Variants in GRM8 observed in about 807,000 individuals in gnomAD.
GRM8 encodes metabotropic glutamate receptor 8.
A neutral mutation model predicts 87.2 loss-of-function variants in GRM8; 47 were observed. That is an observed-to-expected ratio of 0.54 (90% CI 0.43 to 0.69). The LOEUF is 0.69. GRM8 is among the 30% of genes least tolerant of loss of function. The pLI, the probability that GRM8 is intolerant of heterozygous loss-of-function variation, is 0.00. For synonymous variants in GRM8, 396 were observed against 404.5 expected (o/e 0.98, Z 0.25); for missense variants, 1,019 against 1,139.2 (o/e 0.89, Z 1.52).
At chr7:126,948,301 A>G (rs1228910502) in intron 3 of GRM8, among the ~76,000 whole-genome samples, 4 of 151,772 alleles carry the variant, frequency 2.6e-5, no homozygotes. Flanking sequence ...GCATTTTGAA[A>G]AATAAGGAGT....
intron 6 of GRM8, among the ~76,000 whole-genome samples, chr7:126,856,124 T>A (rs1346203396): frequency 6.6e-6 from 1 of 152,168 alleles, no homozygotes; most frequent in East Asian, 1.9e-4. Flanking sequence ...ATTCTGTCTT[T>A]TTTTTTTATT....
intron 6 of GRM8, among the ~76,000 whole-genome samples, chr7:126,891,695 C>A (rs13311616): frequency 8.3e-4 from 127 of 152,156 alleles, no homozygotes; most frequent in Non-Finnish European, 1.6e-3. Context: ...ATCTTCTCCC[C>A]TAGGCTACAT....
chr7:126,533,865 T>C lies in GRM8; in HGVS notation c.1517A>G (p.His506Arg), dbSNP rs764726782. 15 of 1,612,986 alleles carry C rather than the reference T, an allele frequency of 9.3e-6. No individual in the cohort carries two copies. Among genetic ancestry groups the C allele is most frequent in the Middle Eastern group, 1.6e-4 (1 of 6,080 alleles). The change falls in exon 9 of 11, where the codon CAT becomes CGT. Residue 506 changes from histidine to arginine, a missense_variant. Coordinates refer to ENST00000339582, the MANE Select transcript of GRM8 (RefSeq NM_000845.3). ...AGACGCCGGGTGAGTATGTTCTCTA[T>C]GAGCCCACTGCATGTCTTCCACCTG... ...HLKVEDMQWA[H>R]REHTHPASVC...
chr7:126,498,718 C>T (rs111877761), intron 9 of GRM8, among the ~76,000 whole-genome samples: 13 of 152,058 alleles, frequency 8.5e-5, no homozygotes, highest in African/African-American at 3.1e-4. Context: ...CTGCCCTGTG[C>T]TTTACCAATA....
chr7:127,209,449 G>T (rs1342797282), intron 2 of GRM8, among the ~76,000 whole-genome samples: 1 of 152,194 alleles, frequency 6.6e-6, no homozygotes, highest in Non-Finnish European at 1.5e-5. Context: ...TGAGAATCCA[G>T]CAGCCCCTAC....
At chr7:126,989,699 T>C (rs1002508642) in intron 3 of GRM8, among the ~76,000 whole-genome samples, 1 of 152,246 alleles carries the variant, frequency 6.6e-6, no homozygotes, top group Non-Finnish European at 1.5e-5. Flanking sequence ...CCCAGCACTT[T>C]GGGAGGCCAA....
chr7:126,915,828 C>A (rs1297831799), intron 3 of GRM8, among the ~76,000 whole-genome samples: 4 of 152,122 alleles, frequency 2.6e-5, no homozygotes, highest in Non-Finnish European at 4.4e-5. Context: ...AAAAGGAATT[C>A]TCTGTAGGGT....
Position 126,622,970 on chromosome 7 carries a change from A to T in GRM8, c.1358-13472T>A, listed in dbSNP as rs376853902. Reference sequence around the variant, plus strand: ...ATCTCCACGTTATTGTTTGATAATTATCTCAGACACAATGCTTGATTCTTA... The same window carrying T: ...ATCTCCACGTTATTGTTTGATAATTTTCTCAGACACAATGCTTGATTCTTA... On this transcript the variant is annotated intron_variant, in intron 7 of 10. Transcript: ENST00000339582. Among the ~76,000 whole-genome samples, 5 of 152,282 alleles carry T rather than the reference A, an allele frequency of 3.3e-5. No homozygotes were observed. The East Asian group carries it at 7.7e-4, about 23-fold the overall frequency.
intron 3 of GRM8, among the ~76,000 whole-genome samples, chr7:126,955,684 G>A (rs929171913): frequency 6.6e-6 from 1 of 152,090 alleles, no homozygotes; most frequent in African/African-American, 2.4e-5. Context: ...CTATCTTCCT[G>A]TTAACAAATC....
intron 8 of GRM8, among the ~76,000 whole-genome samples, chr7:126,584,958 G>T (rs993498636): frequency 1.3e-5 from 2 of 152,034 alleles, no homozygotes; most frequent in Non-Finnish European, 2.9e-5. Flanking sequence ...TAAGCTAAAA[G>T]CACTCATCCT....
chr7:127,165,781 T>C (rs941985214), intron 2 of GRM8, among the ~76,000 whole-genome samples: 2 of 152,204 alleles, frequency 1.3e-5, no homozygotes, highest in African/African-American at 2.4e-5. Context: ...CACTGAATTA[T>C]TCCACCTCTT....
chr7:127,022,558 G>T (rs964679489), intron 3 of GRM8, among the ~76,000 whole-genome samples: 1 of 151,884 alleles, frequency 6.6e-6, no homozygotes, highest in African/African-American at 2.4e-5. Context: ...GGAGAATAAG[G>T]GATTTCGCTT....
chr7:127,053,799 G>GC (rs1554580054), intron 3 of GRM8, among the ~76,000 whole-genome samples: 1 of 18,942 alleles, frequency 5.3e-5, no homozygotes, highest in Non-Finnish European at 1.5e-4. Flanking sequence ...AAAAAAAAAA[G>GC]GGGGGGGGGA....
At chr7:126,580,664 C>T (rs1336431534) in intron 8 of GRM8, among the ~76,000 whole-genome samples, 1 of 152,064 alleles carries the variant, frequency 6.6e-6, no homozygotes, top group Non-Finnish European at 1.5e-5. Context: ...CTTAAATAAG[C>T]AACTTATTGT....
chr7:127,080,315 C>T (rs533542408), intron 3 of GRM8, among the ~76,000 whole-genome samples: 7 of 152,308 alleles, frequency 4.6e-5, no homozygotes, highest in African/African-American at 1.7e-4. Flanking sequence ...AGGAGCACAG[C>T]TCTGCTGAAT....
chr7:127,196,027 G>T (rs141037720), intron 2 of GRM8, among the ~76,000 whole-genome samples: 2 of 152,208 alleles, frequency 1.3e-5, no homozygotes, highest in East Asian at 3.9e-4. Flanking sequence ...CTTAGTGAAG[G>T]ATATATGAAA....
intron 8 of GRM8, among the ~76,000 whole-genome samples, chr7:126,587,500 A>G (rs1448978717): frequency 2.0e-5 from 3 of 152,200 alleles, no homozygotes; most frequent in African/African-American, 7.2e-5. Context: ...TGCAGCCATA[A>G]AAAAGGATGA....
chr7:126,537,209 T>C (rs1400155041), intron 8 of GRM8, among the ~76,000 whole-genome samples: 2 of 152,226 alleles, frequency 1.3e-5, no homozygotes, highest in Non-Finnish European at 2.9e-5. Flanking sequence ...ATGTGTAACA[T>C]TTTTATTATA....
rs527501887 is a variant in GRM8, at chr7:126,704,935, C to T, written c.1357+64930G>A. Among the ~76,000 whole-genome samples, 45 of 152,200 alleles carry T rather than the reference C, an allele frequency of 3.0e-4. 1 individual carries two copies. The South Asian group carries it at 9.1e-3, about 31-fold the overall frequency. On this transcript the variant is annotated intron_variant, in intron 7 of 10. Coordinates refer to ENST00000339582, the MANE Select transcript of GRM8 (RefSeq NM_000845.3). ...TGATAGTCTATTACCTTGTGAAGTA[C>T]GTGATCTCTGTGACCCACACCCTAT... is the stretch of plus-strand genomic sequence containing the variant.
Sources: allele counts gnomAD v4.1 joint callset (sites outside exome capture counted in the v4.1 genomes callset), GRCh38; gene constraint gnomAD v4.1.1; transcripts MANE v1.5; gene names NCBI Gene and HGNC (gene_info 2026-07-23, HGNC 2026-07-21).